Variants in POLR3B observed in about 807,000 individuals in gnomAD.
POLR3B encodes DNA-directed RNA polymerase III subunit RPC2.
POLR3B carries 96 observed loss-of-function variants against 147.4 expected under a neutral mutation model. The observed-to-expected ratio is 0.65, with a 90% CI of 0.55 to 0.77. POLR3B has a LOEUF of 0.77. POLR3B is among the 30% of genes least tolerant of loss of function. POLR3B has a pLI of 0.00. For synonymous variants in POLR3B, 461 were observed against 485.9 expected (o/e 0.95, Z 0.67); for missense variants, 1,036 against 1,413.5 (o/e 0.73, Z 4.28).
chr12:106,417,657 A>G (rs1311479113), intron 12 of POLR3B, among the ~76,000 whole-genome samples: 1 of 152,184 alleles, frequency 6.6e-6, no homozygotes, highest in Non-Finnish European at 1.5e-5. Flanking sequence ...AGAAAAAAAA[A>G]TTAGCATCAG....
At chr12:106,402,566 A>C (rs2037084186) in intron 10 of POLR3B, among the ~76,000 whole-genome samples, 2 of 152,114 alleles carry the variant, frequency 1.3e-5, no homozygotes, top group Non-Finnish European at 2.9e-5. Context: ...AACTACCACA[A>C]GTCTACAGTA....
chr12:106,483,453 GAC>G (rs1395745393), intron 23 of POLR3B, among the ~76,000 whole-genome samples: 1 of 152,160 alleles, frequency 6.6e-6, no homozygotes, highest in Non-Finnish European at 1.5e-5. Flanking sequence ...GGAGTTGACT[GAC>G]ACCTGAAGCA....
intron 19 of POLR3B, among the ~76,000 whole-genome samples, chr12:106,449,802 A>C (rs2037773951): frequency 6.6e-6 from 1 of 152,152 alleles, no homozygotes; most frequent in Admixed American, 6.6e-5. Flanking sequence ...TCCATGTTCA[A>C]GGGTCAACTG....
intron 2 of POLR3B, among the ~76,000 whole-genome samples, chr12:106,366,228 G>T (rs576197811): frequency 1.3e-5 from 2 of 152,202 alleles, no homozygotes; most frequent in Admixed American, 1.3e-4. Flanking sequence ...TGTGGCACAT[G>T]ACCATATATT....
chr12:106,456,956 G>A (rs902937736), intron 20 of POLR3B, among the ~76,000 whole-genome samples, 182 bp from the exon 21 acceptor site: 22 of 152,148 alleles, frequency 1.4e-4, no homozygotes, highest in African/African-American at 5.1e-4. Context: ...GTCCTGTGCT[G>A]CTTCTTCAGA....
intron 4 of POLR3B, among the ~76,000 whole-genome samples, chr12:106,367,967 A>G (rs550190053): frequency 2.6e-4 from 40 of 152,258 alleles, no homozygotes; most frequent in Non-Finnish European, 4.9e-4. Flanking sequence ...TTCTGTACAG[A>G]ATAGTTTCCT....
chr12:106,463,470 A>C lies in POLR3B; in HGVS notation c.2571-8A>C. 1 of 1,612,974 alleles carries C rather than the reference A, an allele frequency of 6.2e-7. No individual in the cohort carries two copies. Among genetic ancestry groups the C allele is most frequent in the Non-Finnish European group, 8.5e-7 (1 of 1,179,092 alleles). On this transcript the variant is annotated splice_polypyrimidine_tract_variant and splice_region_variant and intron_variant, in intron 22 of 27. Coordinates refer to ENST00000228347, the MANE Select transcript of POLR3B (RefSeq NM_018082.6). Reference sequence around the variant, plus strand: ...AACTCTGTTTTAGTGACTTTCTCTTAACACCAGCTACAAAGGAGCAACAGA... The same window carrying C: ...AACTCTGTTTTAGTGACTTTCTCTTCACACCAGCTACAAAGGAGCAACAGA...
chr12:106,421,249 C>T (rs561681437), intron 12 of POLR3B, among the ~76,000 whole-genome samples: 7 of 151,722 alleles, frequency 4.6e-5, no homozygotes, highest in South Asian at 4.2e-4. Flanking sequence ...AACACAACAA[C>T]ACTGGCATTC....
chr12:106,479,809 CTTTT>C (rs1462690196), intron 23 of POLR3B, among the ~76,000 whole-genome samples: 13 of 144,874 alleles, frequency 9.0e-5, no homozygotes, highest in Non-Finnish European at 1.7e-4. Flanking sequence ...CTTTTCTTTT[CTTTT>C]CTTTTCTTTT....
chr12:106,455,330 C>G (rs150271414), intron 20 of POLR3B, among the ~76,000 whole-genome samples: 1 of 152,136 alleles, frequency 6.6e-6, no homozygotes, highest in Admixed American at 6.6e-5. Context: ...TTTTTCCTTC[C>G]TGGCGTACCC....
rs1234211509 is a variant in POLR3B at position 106,357,838 on chromosome 12, G to A, written c.-42G>A. 3 of 1,590,602 alleles carry A rather than the reference G, an allele frequency of 1.9e-6. No individual in the cohort carries two copies. The highest frequency in any genetic ancestry group is 2.6e-6 in the Non-Finnish European group (3 of 1,164,586). ...CAGTTTGCTTGGTGCAGGGAAGGCG[G>A]GCGCGGAGGTTCTATCTGTTTCTTC... On this transcript the variant is annotated 5_prime_UTR_variant, in exon 1 of 28. Transcript: ENST00000228347.
intron 23 of POLR3B, among the ~76,000 whole-genome samples, chr12:106,484,902 C>G (rs112178881): frequency 2.5e-4 from 38 of 152,032 alleles, no homozygotes; most frequent in South Asian, 1.0e-3. Context: ...CAGGCATATG[C>G]CTGACAAGCA....
chr12:106,428,801 CTTA>C (rs567717931), intron 13 of POLR3B, among the ~76,000 whole-genome samples: 67 of 152,236 alleles, frequency 4.4e-4, no homozygotes, highest in African/African-American at 1.5e-3. Flanking sequence ...AATAGGGTTT[CTTA>C]GAGTTTAGCT....
rs538471136 is a variant in POLR3B, at chr12:106,406,105, G to A, written c.966+129G>A. Reference sequence around the variant, plus strand: ...AGAAAATTCTAAAGAGGACTGTACTGCCCCATCAGAAATAACCTTCCATTA... The same window carrying A: ...AGAAAATTCTAAAGAGGACTGTACTACCCCATCAGAAATAACCTTCCATTA... On this transcript the variant is annotated intron_variant, in intron 11 of 27. Coordinates refer to ENST00000228347, the MANE Select transcript of POLR3B (RefSeq NM_018082.6). 1.2e-5 allele frequency: 11 copies of A among 910,432 alleles called. No individual in the cohort carries two copies. The East Asian group carries it at 2.9e-4, about 24-fold the overall frequency. The allele number at this position is 910,432 out of a possible 1,614,324, so 56.4% of individuals were successfully genotyped here.
chr12:106,494,494 C>T (rs1262461016), intron 23 of POLR3B, among the ~76,000 whole-genome samples: 2 of 152,220 alleles, frequency 1.3e-5, no homozygotes, highest in South Asian at 2.1e-4. Context: ...GTCCCAGAAC[C>T]GGCCCCTTTA....
intron 20 of POLR3B, among the ~76,000 whole-genome samples, chr12:106,456,010 A>G (rs1034019965): frequency 2.0e-5 from 3 of 152,184 alleles, no homozygotes; most frequent in Admixed American, 6.6e-5. Flanking sequence ...TAAGTGAAGG[A>G]TTTTACTGCC....
At chr12:106,425,724 C>G (rs557345668) in intron 12 of POLR3B, among the ~76,000 whole-genome samples, 3 of 152,262 alleles carry the variant, frequency 2.0e-5, no homozygotes, top group Admixed American at 6.5e-5. Flanking sequence ...CAGAAGAATT[C>G]TGAACTTGTG....
intron 23 of POLR3B, among the ~76,000 whole-genome samples, chr12:106,471,998 G>A (rs1592760761): frequency 1.4e-5 from 2 of 142,664 alleles, no homozygotes; most frequent in African/African-American, 2.7e-5. Flanking sequence ...ATCTCCCAAT[G>A]CTATCCCTCC....
chr12:106,438,979 G>T (rs549037459), intron 18 of POLR3B, among the ~76,000 whole-genome samples: 1 of 152,290 alleles, frequency 6.6e-6, no homozygotes, highest in Admixed American at 6.5e-5. Context: ...TCTGATGCAT[G>T]TGACTGATGT....
Sources: allele counts gnomAD v4.1 joint callset (sites outside exome capture counted in the v4.1 genomes callset), GRCh38; gene constraint gnomAD v4.1.1; transcripts MANE v1.5; gene names NCBI Gene and HGNC (gene_info 2026-07-23, HGNC 2026-07-21).